Variants in FAR2 observed in about 807,000 individuals in gnomAD.
FAR2 encodes the protein fatty acyl-CoA reductase 2, also known as epididymis secretory protein Li 81.
In FAR2, 19 loss-of-function variants were observed where a neutral mutation model predicts 56.0. The observed-to-expected ratio is 0.34, with a 90% CI of 0.24 to 0.50. The LOEUF is 0.50. Ranked by LOEUF, FAR2 falls within the 20% of genes least tolerant of loss-of-function variation. FAR2 has a pLI of 0.98. For missense variants in FAR2, 508 were observed against 642.2 expected (o/e 0.79, Z 2.26); for synonymous variants, 219 against 218.8 (o/e 1.00, Z -0.01).
intron 1 of FAR2, among the ~76,000 whole-genome samples, chr12:29,270,088 T>C (rs1948589097): frequency 6.6e-6 from 1 of 152,224 alleles, no homozygotes; most frequent in Admixed American, 6.5e-5. Flanking sequence ...CAGGTCTCCC[T>C]TTGTTTTAGC....
At chr12:29,233,717 C>T (rs958640794) in intron 1 of FAR2, among the ~76,000 whole-genome samples, 3 of 152,136 alleles carry the variant, frequency 2.0e-5, no homozygotes, top group Non-Finnish European at 4.4e-5. Context: ...GTTTTTAGAT[C>T]AATGTAAAAT....
chr12:29,192,580 C>T (rs16934002), intron 1 of FAR2, among the ~76,000 whole-genome samples: 38,476 of 152,084 alleles, frequency 0.25, 5,166 homozygotes, highest in East Asian at 0.35. Flanking sequence ...TTTTGGGTAA[C>T]TCTAAACCCC....
At chr12:29,177,727 G>C (rs1949951694) in intron 1 of FAR2, among the ~76,000 whole-genome samples, 1 of 151,986 alleles carries the variant, frequency 6.6e-6, no homozygotes, top group African/African-American at 2.4e-5. Flanking sequence ...TTTACTCTGG[G>C]CTCTAGATGG....
intron 8 of FAR2, among the ~76,000 whole-genome samples, chr12:29,312,285 G>A (rs1233075328): frequency 6.6e-6 from 1 of 152,090 alleles, no homozygotes; most frequent in Non-Finnish European, 1.5e-5. Flanking sequence ...TGGAGCAATG[G>A]CTCCTACACA....
chr12:29,234,509 CT>C (rs1468166009), intron 1 of FAR2, among the ~76,000 whole-genome samples: 1 of 152,134 alleles, frequency 6.6e-6, no homozygotes, highest in Admixed American at 6.6e-5. Context: ...CTATATTTCT[CT>C]GTTAAATTAC....
intron 1 of FAR2, among the ~76,000 whole-genome samples, chr12:29,263,088 C>T (rs1206728442): frequency 6.6e-6 from 1 of 152,098 alleles, no homozygotes; most frequent in Non-Finnish European, 1.5e-5. Context: ...GTTGAACCAG[C>T]AATAGGATAT....
chr12:29,191,452 A>G (rs1950102250), intron 1 of FAR2, among the ~76,000 whole-genome samples: 3 of 152,264 alleles, frequency 2.0e-5, no homozygotes, highest in South Asian at 2.1e-4. Flanking sequence ...GGCTGAAGAC[A>G]TCACCATTGA....
chr12:29,277,671 T>C (rs1422774025), intron 2 of FAR2: 2 of 152,218 alleles, frequency 1.3e-5, no homozygotes, highest in African/African-American at 4.8e-5. Context: ...ACTCCAGAGA[T>C]AGTGCCACTG....
intron 4 of FAR2, among the ~76,000 whole-genome samples, chr12:29,304,671 A>G (rs1430571621): frequency 2.0e-5 from 3 of 152,204 alleles, no homozygotes; most frequent in African/African-American, 7.2e-5. Flanking sequence ...TGTTGATTCA[A>G]TAAGTTTGAA....
intron 1 of FAR2, among the ~76,000 whole-genome samples, chr12:29,179,610 C>T (rs1204306241): frequency 3.9e-5 from 6 of 152,192 alleles, no homozygotes; most frequent in Admixed American, 3.9e-4. Flanking sequence ...CAGAGAGACA[C>T]CTACCTACTC....
chr12:29,285,883 C>A (rs11050172), intron 2 of FAR2, among the ~76,000 whole-genome samples: 1 of 152,064 alleles, frequency 6.6e-6, no homozygotes, highest in Admixed American at 6.5e-5. Context: ...CACACCACTG[C>A]ACTCCAGCCT....
intron 4 of FAR2, among the ~76,000 whole-genome samples, chr12:29,302,482 G>A (rs888678683): frequency 3.9e-5 from 6 of 152,180 alleles, no homozygotes; most frequent in Non-Finnish European, 5.9e-5. Flanking sequence ...AAACCCAGGC[G>A]TGTTTGGGAC....
chr12:29,222,858 G>A (rs1947711202), intron 1 of FAR2, among the ~76,000 whole-genome samples: 1 of 152,114 alleles, frequency 6.6e-6, no homozygotes, highest in Non-Finnish European at 1.5e-5. Context: ...TGGAAAATAA[G>A]CTCCATCATT....
intron 1 of FAR2, among the ~76,000 whole-genome samples, chr12:29,235,632 AC>A (rs1371840605): frequency 1.3e-5 from 2 of 152,166 alleles, no homozygotes; most frequent in Non-Finnish European, 2.9e-5. Context: ...CCATGCAAGA[AC>A]TTTTCACTGC....
At chr12:29,185,985 A>G (rs1361709411) in intron 1 of FAR2, among the ~76,000 whole-genome samples, 4 of 152,242 alleles carry the variant, frequency 2.6e-5, no homozygotes, top group African/African-American at 9.6e-5. Flanking sequence ...TATTTCAGAC[A>G]GTGCTATTAA....
chr12:29,275,416 G>A (rs901823317), intron 2 of FAR2, among the ~76,000 whole-genome samples: 5 of 152,144 alleles, frequency 3.3e-5, no homozygotes, highest in Non-Finnish European at 7.3e-5. Flanking sequence ...GGATGTGTAC[G>A]TGCAGGTCAC....
chr12:29,200,576 A>G (rs992679032), intron 1 of FAR2, among the ~76,000 whole-genome samples: 9 of 152,300 alleles, frequency 5.9e-5, no homozygotes, highest in Admixed American at 5.9e-4. Context: ...AATATTAGAG[A>G]TAGTTATAGA....
chr12:29,167,400 A>G (rs916161495), intron 1 of FAR2, among the ~76,000 whole-genome samples: 3 of 152,100 alleles, frequency 2.0e-5, no homozygotes, highest in Non-Finnish European at 2.9e-5. Context: ...GGATGACATG[A>G]CATTCCCCTA....
At chr12:29,151,272 G>C (rs541139182) in intron 1 of FAR2, 1 of 152,212 alleles carries the variant, frequency 6.6e-6, no homozygotes, top group Non-Finnish European at 1.5e-5. Context: ...GACATTGTAG[G>C]CTCTGTTGGA....
Sources: allele counts gnomAD v4.1 joint callset (sites outside exome capture counted in the v4.1 genomes callset), GRCh38; gene constraint gnomAD v4.1.1; transcripts MANE v1.5; gene names NCBI Gene and HGNC (gene_info 2026-07-23, HGNC 2026-07-21).